FGF13: variants seen among roughly 807,000 people sequenced by gnomAD.
The protein encoded by FGF13 is fibroblast growth factor homologous factor 2.
In FGF13, 2 loss-of-function variants were observed where a neutral mutation model predicts 19.5. That is an observed-to-expected ratio of 0.10 (90% confidence interval 0.04 to 0.32). FGF13 has a LOEUF of 0.32. Among genes scored for constraint, FGF13 ranks in the 10% least tolerant of loss-of-function variants. FGF13 has a pLI of 1.00. For missense variants in FGF13, 113 were observed against 192.7 expected (o/e 0.59, Z 2.45); for synonymous variants, 72 against 76.9 (o/e 0.94, Z 0.33).
At chrX:139,155,199 G>C (rs1323998216) in intron 1 of FGF13, among the ~76,000 whole-genome samples, 1 of 112,151 alleles carries the variant, frequency 8.9e-6, no homozygotes, top group Non-Finnish European at 1.9e-5. Flanking sequence ...TGCATATTTA[G>C]TACCTTAAGC....
At chrX:138,666,883 CA>C (rs1331227835) in intron 3 of FGF13, among the ~76,000 whole-genome samples, 5 of 109,248 alleles carry the variant, frequency 4.6e-5, no homozygotes, top group African/African-American at 1.7e-4. Context: ...TTCCCAAAAA[CA>C]AAAACAAATA....
intron 3 of FGF13, among the ~76,000 whole-genome samples, chrX:138,768,738 G>GATATATAT (rs1207173971): frequency 2.1e-5 from 2 of 94,762 alleles, no homozygotes; most frequent in African/African-American, 8.4e-5. Flanking sequence ...ATATATATAT[G>GATATATAT]ATATATATAT....
chrX:138,809,673 A>C (rs2090904554), intron 3 of FGF13, among the ~76,000 whole-genome samples: 1 of 111,870 alleles, frequency 8.9e-6, no homozygotes, highest in Admixed American at 9.5e-5. Flanking sequence ...TTTGCAGATG[A>C]CATGATTGTG....
intron 3 of FGF13, among the ~76,000 whole-genome samples, chrX:138,674,961 A>G (rs1368919133): frequency 9.0e-6 from 1 of 111,693 alleles, no homozygotes; most frequent in Non-Finnish European, 1.9e-5. Flanking sequence ...TGATAATCAA[A>G]CACAGGAAAG....
intron 1 of FGF13, among the ~76,000 whole-genome samples, chrX:138,996,521 T>C (rs2092043817): frequency 8.9e-6 from 1 of 112,575 alleles, no homozygotes; most frequent in African/African-American, 3.2e-5. Context: ...CCACCATTGC[T>C]TAGGCTTGAG....
intron 1 of FGF13, among the ~76,000 whole-genome samples, chrX:138,915,882 T>A (rs1314758003): frequency 2.7e-5 from 3 of 112,354 alleles, no homozygotes; most frequent in Non-Finnish European, 5.6e-5. Flanking sequence ...TAGGTAAATT[T>A]AAATGGTGAA....
chrX:138,829,107 G>A (rs1204886754), intron 3 of FGF13, among the ~76,000 whole-genome samples: 1 of 111,816 alleles, frequency 8.9e-6, no homozygotes, highest in Admixed American at 9.5e-5. Context: ...TAAGGCAGAA[G>A]TGTGCTCCTG....
intron 3 of FGF13, among the ~76,000 whole-genome samples, chrX:138,666,536 T>C (rs907416077): frequency 1.8e-5 from 2 of 111,338 alleles, no homozygotes; most frequent in African/African-American, 6.5e-5. Context: ...TAATTCCAAA[T>C]TCCAATGTTG....
In FGF13 at chrX:139,051,085, G is replaced by C. The variant is rs2092302249; in HGVS notation, c.-113+152331C>G. Among the ~76,000 whole-genome samples the C allele has an allele frequency of 2.7e-5, 3 of 111,976 alleles. No homozygotes were observed. In the Admixed American group the frequency reaches 2.8e-4, roughly 11 times the overall value. On this transcript the variant is annotated intron_variant, in intron 1 of 2. Coordinates refer to the FGF13 transcript ENST00000421460. ...AGCCTCACTAAATATACCACACACA[G>C]ATAGAAATATACAATAGTAAAATGA...
chrX:139,062,977 C>G (rs948427812), intron 1 of FGF13, among the ~76,000 whole-genome samples: 2 of 112,150 alleles, frequency 1.8e-5, no homozygotes, highest in African/African-American at 6.5e-5. Flanking sequence ...TTCTTCTCAA[C>G]TACCTTGTTC....
intron 1 of FGF13, among the ~76,000 whole-genome samples, chrX:138,893,639 G>GAA (rs1276858892): frequency 3.6e-4 from 39 of 107,582 alleles, no homozygotes; most frequent in African/African-American, 1.2e-3. Context: ...TAAGGGTAAG[G>GAA]AAAAAAAAAC....
intron 3 of FGF13, among the ~76,000 whole-genome samples, chrX:138,687,273 T>C (rs1294961919): frequency 9.0e-6 from 1 of 111,629 alleles, no homozygotes; most frequent in Admixed American, 9.5e-5. Context: ...AAGCAGCATA[T>C]ATAATGAACA....
intron 1 of FGF13, among the ~76,000 whole-genome samples, chrX:139,098,020 C>G (rs1304625154): frequency 9.0e-6 from 1 of 111,480 alleles, no homozygotes. Context: ...GTGTCATATG[C>G]ACTTTTTGAA....
intron 1 of FGF13, among the ~76,000 whole-genome samples, chrX:139,147,509 G>A: frequency 8.9e-6 from 1 of 112,119 alleles, no homozygotes; most frequent in Non-Finnish European, 1.9e-5. Context: ...AGGCATCTAA[G>A]AGTATCCACC....
At chrX:138,947,072 A>G (rs925455455) in intron 1 of FGF13, among the ~76,000 whole-genome samples, 3 of 111,764 alleles carry the variant, frequency 2.7e-5, no homozygotes, top group Non-Finnish European at 5.6e-5. Flanking sequence ...TCATCCCCCA[A>G]ATTGTTTTTT....
intron 3 of FGF13, among the ~76,000 whole-genome samples, chrX:138,671,041 C>CT (rs2089605961): frequency 9.1e-6 from 1 of 109,596 alleles, no homozygotes; most frequent in Non-Finnish European, 1.9e-5. Context: ...TCGCCACCAC[C>CT]ACCACCGCCA....
intron 1 of FGF13, among the ~76,000 whole-genome samples, chrX:138,960,729 ACTTCT>A (rs2091865136): frequency 9.0e-6 from 1 of 110,640 alleles, no homozygotes; most frequent in Admixed American, 9.6e-5. Flanking sequence ...TTTTCTCTAA[ACTTCT>A]CTTCTCACTT....
In FGF13 at chrX:138,624,102, G is replaced by T. The variant is rs1162409967; in HGVS notation, c.*8748C>A. ...GAAAAAAAATTCTTAAAACCTTATG[G>T]AACCACCTAAGTCCCCAAAGATCTA... On this transcript the variant is annotated 3_prime_UTR_variant, in exon 5 of 5. Coordinates refer to ENST00000315930, the MANE Select transcript of FGF13 (RefSeq NM_004114.5). 2 of 111,602 alleles carry T rather than the reference G, an allele frequency of 1.8e-5. No individual in the cohort carries two copies. The highest frequency in any genetic ancestry group is 3.8e-5 in the Non-Finnish European group (2 of 53,107). 9.2% of individuals were successfully genotyped at this position (111,602 alleles called of 1,213,427 possible).
At chrX:138,738,205 T>C (rs1020808791) in intron 1 of FGF13, among the ~76,000 whole-genome samples, 6 of 111,751 alleles carry the variant, frequency 5.4e-5, no homozygotes, top group African/African-American at 1.6e-4. Context: ...TACTCAGCAG[T>C]TTCAGGACAG....
Sources: allele counts gnomAD v4.1 joint callset (sites outside exome capture counted in the v4.1 genomes callset), GRCh38; gene constraint gnomAD v4.1.1; transcripts MANE v1.5; gene names NCBI Gene and HGNC (gene_info 2026-07-23, HGNC 2026-07-21).